ZNF892: variants seen among roughly 807,000 people sequenced by gnomAD.
The protein encoded by ZNF892 is zinc finger protein 892.
At chr2:95,245,941 A>G in the ZNF892 span, among the ~76,000 whole-genome samples, 1 of 152,224 alleles carries the variant, frequency 6.6e-6, no homozygotes, top group South Asian at 2.1e-4. Flanking sequence ...AAAAGTACAA[A>G]GAAGAGCTGG....
At chr2:95,228,157 C>G in the ZNF892 span, among the ~76,000 whole-genome samples, 4 of 152,166 alleles carry the variant, frequency 2.6e-5, 1 homozygote, top group East Asian at 7.7e-4. Context: ...CTGAGAAGTC[C>G]AGACCAGTTG....
the ZNF892 span, among the ~76,000 whole-genome samples, chr2:95,232,469 CTAGCCTAG>C: frequency 6.6e-6 from 1 of 152,232 alleles, no homozygotes; most frequent in African/African-American, 2.4e-5. Context: ...TGGGACACTC[CTAGCCTAG>C]TGGCTGAGCA....
the ZNF892 span, among the ~76,000 whole-genome samples, chr2:95,240,325 G>T: frequency 6.6e-6 from 1 of 152,180 alleles, no homozygotes; most frequent in Admixed American, 6.5e-5. Context: ...GCAGGGTGGG[G>T]CAATGGCCCA....
At chr2:95,255,715 A>G in the ZNF892 span, among the ~76,000 whole-genome samples, 1 of 152,156 alleles carries the variant, frequency 6.6e-6, no homozygotes, top group African/African-American at 2.4e-5. Context: ...TGGGAGTCTA[A>G]GTCTCTTTGT....
chr2:95,247,606 G>T, the ZNF892 span, among the ~76,000 whole-genome samples: 2 of 152,062 alleles, frequency 1.3e-5, no homozygotes, highest in Non-Finnish European at 2.9e-5. Flanking sequence ...AACAAACTAT[G>T]CATCTGACAA....
At chr2:95,246,709 C>A in the ZNF892 span, among the ~76,000 whole-genome samples, 2 of 152,130 alleles carry the variant, frequency 1.3e-5, no homozygotes, top group Non-Finnish European at 2.9e-5. Context: ...TTCATATACA[C>A]CAACAACAGA....
chr2:95,253,745 C>A, the ZNF892 span, among the ~76,000 whole-genome samples: 1 of 152,132 alleles, frequency 6.6e-6, no homozygotes, highest in African/African-American at 2.4e-5. Context: ...TTGTTTGTAT[C>A]CTCTTTTATT....
the ZNF892 span, chr2:95,207,430 C>T: frequency 1.2e-5 from 2 of 171,672 alleles, no homozygotes; most frequent in South Asian, 2.0e-4. Flanking sequence ...AGAAACGCAG[C>T]CCCGGGAGCA....
the ZNF892 span, chr2:95,215,185 C>T: frequency 2.2e-6 from 1 of 455,260 alleles, no homozygotes; most frequent in Admixed American, 3.8e-5. Context: ...AGAACTCATA[C>T]TGGGGAGCGG....
the ZNF892 span, among the ~76,000 whole-genome samples, chr2:95,232,376 G>A: frequency 6.6e-6 from 1 of 152,206 alleles, no homozygotes; most frequent in African/African-American, 2.4e-5. Flanking sequence ...ATACCAAGGG[G>A]CATTGTGACA....
the ZNF892 span, among the ~76,000 whole-genome samples, chr2:95,220,920 A>G: frequency 3.7e-4 from 57 of 152,380 alleles, no homozygotes; most frequent in African/African-American, 1.3e-3. Flanking sequence ...GCACTGGAGA[A>G]CTGGACTCAG....
chr2:95,215,353 C>A, the ZNF892 span: 1 of 462,322 alleles, frequency 2.2e-6, no homozygotes, highest in South Asian at 6.3e-5. Flanking sequence ...AGAACACACA[C>A]TGGAGAGAAA....
the ZNF892 span, among the ~76,000 whole-genome samples, chr2:95,236,551 G>A: frequency 6.6e-6 from 1 of 152,014 alleles, no homozygotes; most frequent in African/African-American, 2.4e-5. Flanking sequence ...TTTTTCATTA[G>A]AGCTGTGGAA....
chr2:95,261,502 C>G, the ZNF892 span, among the ~76,000 whole-genome samples: 4 of 152,216 alleles, frequency 2.6e-5, no homozygotes, highest in Middle Eastern at 3.4e-3. Context: ...ACCATGTTGA[C>G]CAGGTTGGTC....
the ZNF892 span, among the ~76,000 whole-genome samples, chr2:95,210,239 GTA>G: frequency 6.1e-5 from 9 of 148,702 alleles, no homozygotes; most frequent in African/African-American, 1.7e-4. Context: ...GTGTATATAT[GTA>G]TATATATATG....
At chr2:95,261,387 T>C in the ZNF892 span, among the ~76,000 whole-genome samples, 9 of 151,744 alleles carry the variant, frequency 5.9e-5, no homozygotes, top group African/African-American at 2.2e-4. Flanking sequence ...CTTCGCCCCC[T>C]GGGTTCAAGT....
At chr2:95,239,049 G>T in the ZNF892 span, among the ~76,000 whole-genome samples, 1 of 150,262 alleles carries the variant, frequency 6.7e-6, no homozygotes, top group African/African-American at 2.5e-5. Context: ...TGAGGCAGGA[G>T]AATCGCTTGA....
chr2:95,240,684 A>G, the ZNF892 span, among the ~76,000 whole-genome samples: 1 of 152,176 alleles, frequency 6.6e-6, no homozygotes, highest in African/African-American at 2.4e-5. Context: ...CTTCCATGGC[A>G]TCTCTTAAGA....
At chr2:95,245,344 G>A in the ZNF892 span, among the ~76,000 whole-genome samples, 6 of 148,860 alleles carry the variant, frequency 4.0e-5, no homozygotes, top group East Asian at 2.0e-4. Flanking sequence ...TCCGCCTCAC[G>A]GGTTCATGCC....
Sources: gnomAD v4.1 joint callset for allele counts (sites outside exome capture counted in the v4.1 genomes callset) on GRCh38, gnomAD v4.1.1 for gene constraint, MANE v1.5 for transcripts, NCBI Gene and HGNC (gene_info 2026-07-23, HGNC 2026-07-21) for gene names.